The following SFPQ variants were observed in gnomAD, a reference collection of about 807,000 sequenced individuals.
The protein encoded by SFPQ is splicing factor, proline- and glutamine-rich.
A neutral mutation model predicts 72.9 loss-of-function variants in SFPQ; 11 were observed. That is an observed-to-expected ratio of 0.15 (90% confidence interval 0.09 to 0.25). The LOEUF (loss-of-function observed/expected upper bound fraction) is 0.25. Ranked by LOEUF, SFPQ falls within the 10% of genes least tolerant of loss-of-function variation. The pLI is 1.00. For synonymous variants in SFPQ, 506 were observed against 367.3 expected (o/e 1.38, Z -4.32); for missense variants, 847 against 993.3 (o/e 0.85, Z 1.98).
chr1:35,192,770 G>T lies in SFPQ; in HGVS notation c.280C>A (p.His94Asn). Residue 94 changes from histidine (H) to asparagine (N), a missense_variant, in exon 1 of 10, where the codon CAT (histidine) becomes AAT (asparagine). Coordinates refer to ENST00000357214, the MANE Select transcript of SFPQ (RefSeq NM_005066.3). ...GGTGGCGGCGGCTGCTGCTGCTGAT[G>T]CGGCTGTGGATGCGGCGGCGGCTGA... is the stretch of plus-strand genomic sequence containing the variant. The part of the protein sequence containing the change: ...PHQPPPHPQP[H>N]QQQQPPPPPQ... The T allele has an allele frequency of 6.7e-7, 1 of 1,501,978 alleles. No homozygotes were observed. Among genetic ancestry groups the T allele is most frequent in the Non-Finnish European group, 8.8e-7 (1 of 1,131,264 alleles). The allele number at this position is 1,501,978 out of a possible 1,614,324, so 93.0% of individuals were successfully genotyped here.
rs868647178 is a variant in SFPQ, at chr1:35,187,240, G to A, written c.1827C>T (p.Asp609=). The change falls in exon 8 of 10, where the codon GAC becomes GAT. Residue 609 remains aspartate (D), a synonymous_variant. Transcript: ENST00000357214. ...RMGYMDPRER[D]MRMGGGGAMN... is the part of the protein sequence containing the mutation. Reference sequence around the variant, plus strand: ...TTGCTCCTCCGCCACCCATTCGCATGTCTCTTTCCCGCTGCAAGAAAAAAA... The same window carrying A: ...TTGCTCCTCCGCCACCCATTCGCATATCTCTTTCCCGCTGCAAGAAAAAAA... The A allele has an allele frequency of 1.2e-6, 2 of 1,614,086 alleles. No individual in the cohort carries two copies. Among genetic ancestry groups the A allele is most frequent in the Non-Finnish European group, 1.7e-6 (2 of 1,180,000 alleles).
downstream of SFPQ, chr1:35,178,243 G>A (rs181455941): frequency 9.1e-7 from 1 of 1,094,934 alleles, no homozygotes; most frequent in South Asian, 3.1e-5. Flanking sequence ...ACCTGAATTA[G>A]AATGAAAACT....
rs1452728835 is a variant in SFPQ at position 35,183,381 on chromosome 1, C to T, written c.*1075G>A. On this transcript the variant is annotated 3_prime_UTR_variant, in exon 10 of 10. Coordinates refer to ENST00000357214, the MANE Select transcript of SFPQ (RefSeq NM_005066.3). ...TACAGGCGCCTGCCACCACGCCCAG[C>T]TAATTTTTTGTATTTTTAGTAGAGA... 3.5e-6 allele frequency: 1 copy of T among 287,346 alleles called. No homozygotes were observed. The highest frequency in any genetic ancestry group is 2.3e-5 in the African/African-American group (1 of 43,986). 17.8% of individuals were successfully genotyped at this position (287,346 alleles called of 1,614,324 possible).
chr1:35,181,916 C>A (rs940011329), downstream of SFPQ: 4 of 985,102 alleles, frequency 4.1e-6, no homozygotes, highest in African/African-American at 7.0e-5. Context: ...AGTCAAATGT[C>A]ATTTGAAACT....
downstream of SFPQ, chr1:35,178,336 C>A: frequency 9.3e-7 from 1 of 1,074,788 alleles, no homozygotes; most frequent in Non-Finnish European, 1.1e-6. Context: ...AATATACTAT[C>A]CCTTATGTGA....
Position 35,189,368 on chromosome 1 carries a change from G to A in SFPQ, c.1430C>T (p.Pro477Leu). 1 of 1,613,624 alleles carries A rather than the reference G, an allele frequency of 6.2e-7. No individual in the cohort carries two copies. Among genetic ancestry groups the A allele is most frequent in the Non-Finnish European group, 8.5e-7 (1 of 1,179,800 alleles). ...NPMYQKERET[P>L]PRFAQHGTFE... ...CGTGCCATGCTGGGCAAAACGAGGA[G>A]GGGTTTCTCTCTCCCTAACAATACA... The change falls in exon 5 of 10, where the codon CCT becomes CTT. Residue 477 changes from proline (P) to leucine (L), a missense_variant. Pro to Leu is a moderately conservative substitution (Grantham distance 98). Transcript: ENST00000357214.
downstream of SFPQ, chr1:35,177,969 G>C (rs1330501093): frequency 2.5e-6 from 3 of 1,217,084 alleles, no homozygotes; most frequent in East Asian, 1.4e-4. Flanking sequence ...TAGGGGTTAA[G>C]ATTTCTAAAG....
At chr1:35,180,328 T>C (rs1326282127), downstream of SFPQ, 2 of 1,046,252 alleles carry the variant, frequency 1.9e-6, no homozygotes, top group Non-Finnish European at 2.3e-6. Flanking sequence ...AGACTTAGGT[T>C]TTCTTGTAAA....
chr1:35,187,181 T>C, intron 8 of SFPQ, 22 bp downstream of exon 8: 3 of 1,614,032 alleles, frequency 1.9e-6, no homozygotes, highest in Non-Finnish European at 1.7e-6. Context: ...ACTTATATCA[T>C]TAATTTAAAT....
At chr1:35,192,107 G>A (rs1397421486) in intron 1 of SFPQ, 115 bp downstream of exon 1, 10 of 884,222 alleles carry the variant, frequency 1.1e-5, no homozygotes, top group African/African-American at 1.7e-5. Flanking sequence ...GCAGCGGCGC[G>A]CGCAAGCGCC....
intron 3 of SFPQ, 32 bp from the exon 4 acceptor site, chr1:35,190,625 G>A: frequency 6.2e-7 from 1 of 1,608,310 alleles, no homozygotes; most frequent in Non-Finnish European, 8.5e-7. Flanking sequence ...TCTTAGCTTT[G>A]TTCCAGTTTT....
At chr1:35,184,888 A>G (rs988201592) in intron 9 of SFPQ, among the ~76,000 whole-genome samples, 1 of 152,252 alleles carries the variant, frequency 6.6e-6, no homozygotes, top group Admixed American at 6.5e-5. Flanking sequence ...ATCCATTCCA[A>G]AATGAGTTCT....
chr1:35,191,557 A>C lies in SFPQ; in HGVS notation c.829-28T>G, dbSNP rs371537694. On this transcript the variant is annotated intron_variant, in intron 1 of 9. Transcript: ENST00000357214. ...AATGAAAAAGGAAAGAAGTTTTCAA[A>C]CACCAGAGACCTCTGCAAGTGAAAA... 128 of 1,551,668 alleles carry C rather than the reference A, an allele frequency of 8.2e-5. No homozygotes were observed. In the African/African-American group the frequency reaches 1.6e-3, roughly 20 times the overall value.
At chr1:35,182,447 T>G (rs1480057001), downstream of SFPQ, 1 of 985,214 alleles carries the variant, frequency 1.0e-6, no homozygotes, top group Non-Finnish European at 1.2e-6. Context: ...CTAATGAGAT[T>G]CTCTCCCTTA....
chr1:35,191,090 T>C, intron 2 of SFPQ, 95 bp from the exon 3 acceptor site: 10 of 1,132,618 alleles, frequency 8.8e-6, no homozygotes, highest in Non-Finnish European at 1.3e-5. Context: ...CTTTCTTCCT[T>C]CAGCTCAGTT....
Position 35,192,778 on chromosome 1 carries a change from G to GGCT in SFPQ, c.271_272insAGC (p.His90_Pro91insGln), listed in dbSNP as rs1241974398. On this transcript the variant is annotated inframe_insertion, in exon 1 of 10. Transcript: ENST00000357214. The stretch of plus-strand genomic sequence containing the variant: ...CGGCTGCTGCTGCTGATGCGGCTGT[G>GGCT]GATGCGGCGGCGGCTGATGCGGTGG... 1 of 1,501,968 alleles carries GGCT rather than the reference G, an allele frequency of 6.7e-7. No individual in the cohort carries two copies. Among genetic ancestry groups the GGCT allele is most frequent in the African/African-American group, 1.4e-5 (1 of 69,356 alleles). The allele number at this position is 1,501,968 out of a possible 1,614,324, so 93.0% of individuals were successfully genotyped here. A position where few individuals can be genotyped will look rare whatever the true frequency, so the allele number is the denominator to read the frequency against.
chr1:35,178,802 C>T (rs1263990251), downstream of SFPQ: 3 of 1,053,282 alleles, frequency 2.8e-6, no homozygotes, highest in African/African-American at 3.3e-5. Flanking sequence ...CATGTACCAT[C>T]CATAAGGGAT....
chr1:35,188,182 G>C lies in SFPQ; in HGVS notation c.1698-92C>G, dbSNP rs4652873. 0.12 allele frequency: 118,805 copies of C among 950,524 alleles called. 26,114 individuals are homozygous for C. Among genetic ancestry groups the C allele is most frequent in the East Asian group, 0.69 (28,989 of 41,942 alleles). 58.9% of individuals were successfully genotyped at this position (950,524 alleles called of 1,614,324 possible). ...ACCTAGCAGTTGACCTAAGAACTAG[G>C]TTAGCACTAAAAAACACAAAGGCTT... On this transcript the variant is annotated intron_variant, in intron 6 of 9. Transcript: ENST00000357214.
chr1:35,185,603 A>C lies in SFPQ; in HGVS notation c.1987-1010T>G, dbSNP rs547272573. On this transcript the variant is annotated intron_variant, in intron 9 of 9. Coordinates refer to ENST00000357214, the MANE Select transcript of SFPQ (RefSeq NM_005066.3). ...TACACTTTTTCTCATTCCATTTATA[A>C]TAGACCAGTTACTAAGAGTATTACT... is the stretch of plus-strand genomic sequence containing the variant. Among the ~76,000 whole-genome samples the C allele has an allele frequency of 2.0e-5, 3 of 152,334 alleles. No homozygotes were observed. The East Asian group carries it at 5.8e-4, about 29-fold the overall frequency.
Sources: allele counts gnomAD v4.1 joint callset (sites outside exome capture counted in the v4.1 genomes callset), GRCh38; gene constraint gnomAD v4.1.1; transcripts MANE v1.5; gene names NCBI Gene and HGNC (gene_info 2026-07-23, HGNC 2026-07-21).